The following MACROD2 variants were observed in gnomAD, a reference collection of about 807,000 sequenced individuals.
MACROD2 encodes the protein mono-ADP ribosylhydrolase 2, also known as ADP-ribose glycohydrolase MACROD2.
MACROD2 carries 36 observed loss-of-function variants against 70.4 expected under a neutral mutation model. The ratio of observed to expected loss-of-function variants is 0.51; its 90% CI spans 0.39 to 0.68. The LOEUF (loss-of-function observed/expected upper bound fraction) is 0.68. MACROD2 is among the 30% of genes least tolerant of loss of function. MACROD2 has a pLI of 0.00. For synonymous variants in MACROD2, 172 were observed against 178.8 expected, an observed-to-expected ratio of 0.96 and a Z score of 0.30; for missense variants, 496 against 538.4, an observed-to-expected ratio of 0.92 and a Z score of 0.78.
At chr20:14,016,977 A>G (rs142846410) in intron 2 of MACROD2, among the ~76,000 whole-genome samples, 1 of 152,182 alleles carries the variant, frequency 6.6e-6, no homozygotes, top group African/African-American at 2.4e-5. Flanking sequence ...CAATCCATGA[A>G]CATGCGATGT....
intron 9 of MACROD2, among the ~76,000 whole-genome samples, chr20:15,864,616 T>A (rs1568604760): frequency 6.6e-6 from 1 of 152,104 alleles, no homozygotes; most frequent in Non-Finnish European, 1.5e-5. Context: ...TACTGCAAAT[T>A]TTTTTTAAAA....
At chr20:14,459,379 G>A (rs938410420) in intron 3 of MACROD2, among the ~76,000 whole-genome samples, 4 of 151,938 alleles carry the variant, frequency 2.6e-5, no homozygotes, top group Admixed American at 6.6e-5. Context: ...ATGGGTGCAA[G>A]AGAAGTGACA....
chr20:15,977,055 G>A (rs908031861), intron 13 of MACROD2, among the ~76,000 whole-genome samples: 6 of 152,136 alleles, frequency 3.9e-5, no homozygotes, highest in African/African-American at 1.4e-4. Flanking sequence ...GGAGCACTGG[G>A]ACCAGGGGAC....
At chr20:15,559,156 G>A (rs1367251369) in intron 8 of MACROD2, among the ~76,000 whole-genome samples, 3 of 150,520 alleles carry the variant, frequency 2.0e-5, no homozygotes, top group South Asian at 2.1e-4. Flanking sequence ...GAACCCGGGA[G>A]GTGGAGCTTG....
chr20:14,950,214 G>A (rs961885547), intron 5 of MACROD2, among the ~76,000 whole-genome samples: 2 of 152,128 alleles, frequency 1.3e-5, no homozygotes, highest in Admixed American at 1.3e-4. Context: ...TACTGGCTGA[G>A]TTATATCATT....
At chr20:15,142,670 C>A (rs1026928394) in intron 5 of MACROD2, among the ~76,000 whole-genome samples, 1 of 142,916 alleles carries the variant, frequency 7.0e-6, no homozygotes, top group African/African-American at 2.6e-5. Context: ...CCTCCCCCCA[C>A]CCCATGACAG....
chr20:15,628,116 AGAT>A (rs1377959165), intron 8 of MACROD2, among the ~76,000 whole-genome samples: 1 of 152,172 alleles, frequency 6.6e-6, no homozygotes, highest in African/African-American at 2.4e-5. Context: ...TATGGGAGGG[AGAT>A]GGTAGGGAAA....
intron 7 of MACROD2, among the ~76,000 whole-genome samples, chr20:15,447,729 C>T (rs1371256987): frequency 1.3e-5 from 2 of 152,132 alleles, no homozygotes; most frequent in East Asian, 1.9e-4. Context: ...TAGGAAACCC[C>T]AGGAAATGCT....
At chr20:15,200,165 A>G (rs2076643400) in intron 5 of MACROD2, among the ~76,000 whole-genome samples, 1 of 152,198 alleles carries the variant, frequency 6.6e-6, no homozygotes, top group Non-Finnish European at 1.5e-5. Flanking sequence ...ATACTGGGTC[A>G]TAAGTTGAAG....
chr20:14,084,085 A>AAAAAAAAAC (rs1555917207), intron 2 of MACROD2, among the ~76,000 whole-genome samples: 15 of 148,298 alleles, frequency 1.0e-4, no homozygotes, highest in Non-Finnish European at 1.8e-4. Flanking sequence ...AAACAAACAA[A>AAAAAAAAAC]AAAAAACCTT....
intron 10 of MACROD2, among the ~76,000 whole-genome samples, chr20:15,912,437 T>A (rs577496176): frequency 1.3e-5 from 2 of 152,312 alleles, no homozygotes; most frequent in Admixed American, 6.5e-5. Flanking sequence ...GGATGCATTT[T>A]AAAAAATAGA....
chr20:15,552,478 T>C (rs2048112942), intron 8 of MACROD2: 1 of 152,208 alleles, frequency 6.6e-6, no homozygotes, highest in African/African-American at 2.4e-5. Flanking sequence ...GTGTTTTTGT[T>C]TTTAATGCTG....
intron 15 of MACROD2, among the ~76,000 whole-genome samples, chr20:16,010,155 GAAA>G (rs2048112212): frequency 6.6e-6 from 1 of 152,056 alleles, no homozygotes; most frequent in Non-Finnish European, 1.5e-5. Flanking sequence ...TCACACTTCA[GAAA>G]AAAAGAAGAG....
chr20:15,030,080 C>CAAAAA (rs75395660), intron 5 of MACROD2, among the ~76,000 whole-genome samples: 1 of 77,056 alleles, frequency 1.3e-5, no homozygotes. Context: ...ACTCCGTCTC[C>CAAAAA]AAAAAAAAAA....
chr20:15,955,501 A>G (rs544444745), intron 12 of MACROD2, among the ~76,000 whole-genome samples: 12 of 152,298 alleles, frequency 7.9e-5, no homozygotes, highest in African/African-American at 2.9e-4. Flanking sequence ...ATGCTTCTCT[A>G]TAAGCCAAAT....
intron 6 of MACROD2, among the ~76,000 whole-genome samples, chr20:15,384,298 C>T (rs943434410): frequency 6.6e-6 from 1 of 152,058 alleles, no homozygotes; most frequent in Non-Finnish European, 1.5e-5. Context: ...CACTCTGTCA[C>T]CCAAGCTTGA....
In MACROD2 at chr20:15,492,308, T is replaced by TA. The variant is rs940963135; in HGVS notation, c.572-7454dup. ...AGGTTGACAAAAGCTGTTTTGAGAT[T>TA]AAAAAAAAAAAATGTATTGCCCAGT... is the stretch of plus-strand genomic sequence containing the variant. On this transcript the variant is annotated intron_variant, in intron 7 of 17. Coordinates refer to ENST00000684519, the MANE Select transcript of MACROD2 (RefSeq NM_001351661.2). 1.9e-3 allele frequency among the ~76,000 whole-genome samples: 270 copies of TA among 145,764 alleles called. 1 individual carries two copies. The highest frequency in any genetic ancestry group is 3.5e-3 in the African/African-American group (139 of 39,996).
At chr20:15,578,879 C>A (rs189427640) in intron 8 of MACROD2, among the ~76,000 whole-genome samples, 2 of 152,072 alleles carry the variant, frequency 1.3e-5, no homozygotes, top group East Asian at 3.9e-4. Context: ...TAATAAGGCA[C>A]CTGGCATATA....
At chr20:14,789,250 C>T (rs779444900) in intron 5 of MACROD2, among the ~76,000 whole-genome samples, 12 of 151,558 alleles carry the variant, frequency 7.9e-5, no homozygotes, top group Non-Finnish European at 1.6e-4. Context: ...TAAACTTTGC[C>T]ATATGTGTAT....
Sources: allele counts gnomAD v4.1 joint callset (sites outside exome capture counted in the v4.1 genomes callset), GRCh38; gene constraint gnomAD v4.1.1; transcripts MANE v1.5; gene names NCBI Gene and HGNC (gene_info 2026-07-23, HGNC 2026-07-21).